The following ZNF532 variants were observed in gnomAD, a reference collection of about 807,000 sequenced individuals.
ZNF532 encodes the protein zinc finger protein 532.
In ZNF532, 22 loss-of-function variants were observed where a neutral mutation model predicts 89.3. That is an observed-to-expected ratio of 0.25 (90% CI 0.18 to 0.35). The LOEUF (loss-of-function observed/expected upper bound fraction) is 0.35. Ranked by LOEUF, ZNF532 falls within the 10% of genes least tolerant of loss-of-function variation. The pLI, the probability that ZNF532 is intolerant of heterozygous loss-of-function variation, is 1.00. For synonymous variants in ZNF532, 606 were observed against 649.6 expected, an observed-to-expected ratio of 0.93 and a Z score of 1.02; for missense variants, 1,132 against 1,643.4, an observed-to-expected ratio of 0.69 and a Z score of 5.38.
At chr18:58,978,862 GAC>G (rs1289267061) in intron 7 of ZNF532, among the ~76,000 whole-genome samples, 191 bp from the exon 8 acceptor site, 1 of 152,142 alleles carries the variant, frequency 6.6e-6, no homozygotes. Context: ...TTTTGTGCAT[GAC>G]ACAGTTCTGA....
chr18:58,886,857 T>C (rs2058337976), intron 2 of ZNF532, among the ~76,000 whole-genome samples: 1 of 152,162 alleles, frequency 6.6e-6, no homozygotes, highest in African/African-American at 2.4e-5. Context: ...GAAGAGTAGG[T>C]TTTTTTCTAT....
chr18:58,970,259 T>C (rs1374760929), intron 7 of ZNF532, among the ~76,000 whole-genome samples: 1 of 152,186 alleles, frequency 6.6e-6, no homozygotes, highest in Non-Finnish European at 1.5e-5. Flanking sequence ...TCTGTTTCAA[T>C]TGCTTTATGA....
At chr18:58,971,284 A>G (rs1350447206) in intron 7 of ZNF532, among the ~76,000 whole-genome samples, 1 of 152,222 alleles carries the variant, frequency 6.6e-6, no homozygotes, top group Admixed American at 6.5e-5. Context: ...CATATGAAAA[A>G]AAAGCATTCT....
chr18:58,932,093 G>GT (rs1568355742), intron 3 of ZNF532, among the ~76,000 whole-genome samples: 1 of 152,192 alleles, frequency 6.6e-6, no homozygotes, highest in African/African-American at 2.4e-5. Context: ...AGTGTCCAGC[G>GT]TGATTCCCCA....
At position 58,941,998 on chromosome 18, in the gene ZNF532, T is replaced by TC. The variant is rs1191272814; in HGVS notation, c.2705+2379dup. Reference sequence around the variant, plus strand: ...TCCCTCCTTCCCTCCTTCCCTTCCTTCCTTCCTTCTTTCTTTTCTTTTCTT... The same window carrying TC: ...TCCCTCCTTCCCTCCTTCCCTTCCTTCCCTTCCTTCTTTCTTTTCTTTTCTT... On this transcript the variant is annotated intron_variant, in intron 5 of 9. Coordinates refer to ENST00000591808, the MANE Select transcript of ZNF532 (RefSeq NM_001375912.1). 9.2e-3 allele frequency among the ~76,000 whole-genome samples: 1,105 copies of TC among 120,236 alleles called. 8 individuals are homozygous for TC. The highest frequency in any genetic ancestry group is 0.023 in the East Asian group (86 of 3,722). The allele number at this position is 120,236 out of a possible 152,430, so 78.9% of individuals were successfully genotyped here.
Position 58,919,862 on chromosome 18 carries a change from C to T in ZNF532, c.1575C>T (p.Ala525=). The part of the protein sequence containing the change: ...AKLVPKTVHL[A]NLNLLPQGAQ... ...TCGTGCCAAAGACTGTGCACCTTGC[C>T]AACCTTAACCTTTTGCCTCAGGGTG... Residue 525 remains alanine (A), a synonymous_variant, in exon 3 of 10, where the codon GCC becomes GCT. Coordinates refer to ENST00000591808, the MANE Select transcript of ZNF532 (RefSeq NM_001375912.1). This position sits in a 1 kb window ranked among gnomAD's most constrained non-coding sequence, Gnocchi z 6.1. The T allele has an allele frequency of 1.2e-6, 2 of 1,614,032 alleles. No individual in the cohort carries two copies. Among genetic ancestry groups the T allele is most frequent in the Non-Finnish European group, 1.7e-6 (2 of 1,179,882 alleles).
chr18:58,917,168 C>T (rs1184773094), intron 2 of ZNF532, among the ~76,000 whole-genome samples: 6 of 152,128 alleles, frequency 3.9e-5, no homozygotes, highest in Admixed American at 3.9e-4. Context: ...GGCTGTTTGC[C>T]TCCACTGCAG....
chr18:58,957,221 T>C (rs1283543389), intron 7 of ZNF532, among the ~76,000 whole-genome samples: 1 of 152,078 alleles, frequency 6.6e-6, no homozygotes, highest in East Asian at 1.9e-4. Flanking sequence ...GGTTCAAAAA[T>C]TGTATTTGGC....
intron 3 of ZNF532, among the ~76,000 whole-genome samples, chr18:58,933,388 A>G (rs114064386): frequency 0.011 from 1,620 of 152,278 alleles, 20 homozygotes; most frequent in Middle Eastern, 0.044. Context: ...TTCAAAAACA[A>G]GAAGAATAAA....
At position 58,897,325 on chromosome 18, in the gene ZNF532, G is replaced by A. The variant is rs1340100330; in HGVS notation, c.-17-20946G>A. Among the ~76,000 whole-genome samples, 4 of 152,080 alleles carry A rather than the reference G, an allele frequency of 2.6e-5. No individual in the cohort carries two copies. In the East Asian group the frequency reaches 7.7e-4, roughly 29 times the overall value. On this transcript the variant is annotated intron_variant, in intron 2 of 9. Transcript: ENST00000591808. ...TTTATTTTTAACTTGGACTGAGCAA[G>A]GTTCTTCTAAATGCATTGAGGTTGG...
chr18:58,959,467 C>A (rs2065139153), intron 7 of ZNF532, among the ~76,000 whole-genome samples: 1 of 151,960 alleles, frequency 6.6e-6, no homozygotes, highest in South Asian at 2.1e-4. Flanking sequence ...CTGTGTCACC[C>A]AGTTGAACTC....
At position 58,920,010 on chromosome 18, in the gene ZNF532, T is replaced by A. The variant is rs2060909458; in HGVS notation, c.1723T>A (p.Ser575Thr). ...GGTGTCTCGAGTCCAGGTGGTGTCG[T>A]CCTTGCAGAGTTCTGTGGTGGAAGC... ...KKVSRVQVVS[S>T]LQSSVVEAFN... The change falls in exon 3 of 10, where the codon TCC becomes ACC. Residue 575 changes from serine to threonine, a missense_variant. By Grantham distance (58) the Ser-to-Thr change is moderately conservative. This residue lies in a region of ZNF532 where 97 missense variants were observed against 143.7 expected (regional missense o/e 0.68). Coordinates refer to ENST00000591808, the MANE Select transcript of ZNF532 (RefSeq NM_001375912.1). The A allele has an allele frequency of 6.2e-7, 1 of 1,613,714 alleles. No individual in the cohort carries two copies. Among genetic ancestry groups the A allele is most frequent in the East Asian group, 2.2e-5 (1 of 44,856 alleles).
chr18:58,897,020 A>G (rs1408910436), intron 2 of ZNF532, among the ~76,000 whole-genome samples: 6 of 152,164 alleles, frequency 3.9e-5, no homozygotes, highest in Non-Finnish European at 2.9e-5. Context: ...GTCTAGTCTT[A>G]GGTTGTAAGC....
At chr18:58,953,887 T>C in intron 7 of ZNF532, 88 bp downstream of exon 7, 1 of 1,511,506 alleles carries the variant, frequency 6.6e-7, no homozygotes, top group Non-Finnish European at 8.8e-7. Context: ...TTGGCTTGGC[T>C]CTATCAGTAA....
Position 58,953,595 on chromosome 18 carries a change from A to C in ZNF532, c.2946A>C (p.Ala982=). Residue 982 remains alanine, a synonymous_variant, in exon 7 of 10, where the codon GCA becomes GCC. Transcript: ENST00000591808. ...ACTTGCCTTTGAGCATTAAGCCTGC[A>C]ACTCAAAATTCAGCAAATCAGAACA... ...GINLPLSIKP[A]TQNSANQNKE... The C allele has an allele frequency of 1.9e-6, 3 of 1,613,914 alleles. No individual in the cohort carries two copies. The highest frequency in any genetic ancestry group is 2.5e-6 in the Non-Finnish European group (3 of 1,179,806).
chr18:58,933,698 T>G (rs890296727), intron 3 of ZNF532, among the ~76,000 whole-genome samples: 1 of 152,214 alleles, frequency 6.6e-6, no homozygotes, highest in Non-Finnish European at 1.5e-5. Flanking sequence ...CTTAAGAGGA[T>G]GAAAAACAGT....
At position 58,979,392 on chromosome 18, in the gene ZNF532, G is replaced by T. The variant is rs867663201; in HGVS notation, c.3263+225G>T. On this transcript the variant is annotated intron_variant, in intron 8 of 9. Transcript: ENST00000591808. ...CTTGCATATCCCACATACATTGTGTGTTTTTTTTTTCCCGAGACGGAGTCT... is the reference window on the plus strand; with the variant it reads ...CTTGCATATCCCACATACATTGTGTTTTTTTTTTTTCCCGAGACGGAGTCT... 6 of 257,578 alleles carry T rather than the reference G, an allele frequency of 2.3e-5. No individual in the cohort carries two copies. In the South Asian group the frequency reaches 3.7e-4, roughly 16 times the overall value. 16.0% of individuals were successfully genotyped at this position (257,578 alleles called of 1,614,324 possible). A position where few individuals can be genotyped will look rare whatever the true frequency, so the allele number is the denominator to read the frequency against.
In ZNF532 at chr18:58,950,321, T is replaced by C. The variant is rs115459445; in HGVS notation, c.2868+2092T>C. Among the ~76,000 whole-genome samples the C allele has an allele frequency of 1.6e-3, 237 of 152,306 alleles. 1 individual carries two copies. The highest frequency in any genetic ancestry group is 5.3e-3 in the African/African-American group (222 of 41,566). On this transcript the variant is annotated intron_variant, in intron 6 of 9. Coordinates refer to ENST00000591808, the MANE Select transcript of ZNF532 (RefSeq NM_001375912.1). The stretch of plus-strand genomic sequence containing the variant: ...TCCTGTGGCCACAAGGAGGAAAGAA[T>C]TGTTATTCATCTTAACCTATGCAAG...
chr18:58,905,454 G>T (rs548751537), intron 2 of ZNF532, among the ~76,000 whole-genome samples: 1 of 145,914 alleles, frequency 6.9e-6, no homozygotes, highest in East Asian at 2.0e-4. Flanking sequence ...AGGCTGAAGT[G>T]CAATGGCACA....
Sources: allele counts gnomAD v4.1 joint callset (sites outside exome capture counted in the v4.1 genomes callset), GRCh38; gene constraint gnomAD v4.1.1; regional missense constraint gnomAD v4.1.1; non-coding constraint Gnocchi (gnomAD v3.1); transcripts MANE v1.5; gene names NCBI Gene and HGNC (gene_info 2026-07-23, HGNC 2026-07-21).